ASB15: variants seen among roughly 807,000 people sequenced by gnomAD.
The protein encoded by ASB15 is ankyrin repeat and SOCS box containing 15, also known as ankyrin repeat and SOCS box protein 15.
Under a neutral mutation model 58.0 loss-of-function variants are expected in ASB15, and 54 were observed. The observed-to-expected ratio is 0.93, with a 90% CI of 0.75 to 1.17. The LOEUF (loss-of-function observed/expected upper bound fraction) is 1.17. ASB15 is among the 50% of genes most tolerant of loss of function. The pLI is 0.00. For synonymous variants in ASB15, 249 were observed against 262.4 expected, an observed-to-expected ratio of 0.95 and a Z score of 0.50; for missense variants, 680 against 707.4, an observed-to-expected ratio of 0.96 and a Z score of 0.44.
chr7:123,602,747 G>A (rs1005074270), intron 1 of ASB15, among the ~76,000 whole-genome samples: 1 of 152,104 alleles, frequency 6.6e-6, no homozygotes, highest in Non-Finnish European at 1.5e-5. Flanking sequence ...TAAACTTTTT[G>A]AGAAAACTTT....
intron 8 of ASB15, among the ~76,000 whole-genome samples, chr7:123,625,431 AC>A (rs1801709451): frequency 6.6e-6 from 1 of 152,098 alleles, no homozygotes; most frequent in Admixed American, 6.5e-5. Flanking sequence ...TATCCAAAAA[AC>A]AATCCCTATT....
intron 2 of ASB15, among the ~76,000 whole-genome samples, chr7:123,607,287 T>C (rs1800194327): frequency 6.6e-6 from 1 of 152,210 alleles, no homozygotes; most frequent in South Asian, 2.1e-4. Context: ...ACTTTACATA[T>C]AATGTTAAAT....
intron 6 of ASB15, among the ~76,000 whole-genome samples, chr7:123,617,274 A>G (rs1800880769): frequency 6.6e-6 from 1 of 152,222 alleles, no homozygotes; most frequent in Non-Finnish European, 1.5e-5. Context: ...CAGTTACAAT[A>G]TAAATTATAA....
chr7:123,576,627 C>T (rs1182324834), intron 1 of ASB15, among the ~76,000 whole-genome samples: 2 of 152,142 alleles, frequency 1.3e-5, no homozygotes. Flanking sequence ...TCCTCGGCTT[C>T]TCTGAGCCAA....
upstream of ASB15, chr7:123,599,077 T>C (rs1799791977): frequency 6.6e-6 from 1 of 152,188 alleles, no homozygotes; most frequent in Non-Finnish European, 1.5e-5. Context: ...AAAATGTGCA[T>C]TTCTTAAATC....
chr7:123,633,291 T>C (rs898829096), intron 11 of ASB15, among the ~76,000 whole-genome samples: 17 of 152,020 alleles, frequency 1.1e-4, no homozygotes, highest in African/African-American at 4.1e-4. Flanking sequence ...TGAATATTAG[T>C]ACATAGATAA....
rs543076067 is a variant in ASB15 at position 123,575,484 on chromosome 7, T to C, written c.-443+8396T>C. 3.3e-5 allele frequency among the ~76,000 whole-genome samples: 5 copies of C among 152,248 alleles called. No individual in the cohort carries two copies. The South Asian group carries it at 1.0e-3, about 32-fold the overall frequency. On this transcript the variant is annotated intron_variant, in intron 1 of 13. Transcript: ENST00000451558. ...CAATTAAAGAAAACAACTTTAATTGTATCACTTCTGTATTGTGAGGGCATA... is the reference window on the plus strand; with the variant it reads ...CAATTAAAGAAAACAACTTTAATTGCATCACTTCTGTATTGTGAGGGCATA...
intron 11 of ASB15, among the ~76,000 whole-genome samples, chr7:123,630,831 G>A (rs1802080037): frequency 2.0e-5 from 3 of 152,266 alleles, no homozygotes; most frequent in Admixed American, 6.5e-5. Context: ...AATTTTATAT[G>A]ACATTTAAAT....
rs539365225 is a variant in ASB15, at chr7:123,586,066, T to C, written c.-442-17966T>C. On this transcript the variant is annotated intron_variant, in intron 1 of 13. Transcript: ENST00000451558. ...AAGTGCAAATATGTCTTTGAGATAC[T>C]GATTTCAATTCCTTTAGCTATATAC... Among the ~76,000 whole-genome samples, 15 of 152,036 alleles carry C rather than the reference T, an allele frequency of 9.9e-5. No homozygotes were observed. In the East Asian group the frequency reaches 2.7e-3, roughly 27 times the overall value.
intron 2 of ASB15, 80 bp downstream of exon 2, chr7:123,604,292 T>G (rs1800027783): frequency 6.6e-6 from 1 of 152,080 alleles, no homozygotes; most frequent in South Asian, 2.1e-4. Context: ...AATTGTGAAA[T>G]CTGGCTAGGC....
chr7:123,584,460 T>A (rs1490527165), intron 1 of ASB15, among the ~76,000 whole-genome samples: 1 of 151,944 alleles, frequency 6.6e-6, no homozygotes, highest in African/African-American at 2.4e-5. Flanking sequence ...TAAGAACAAC[T>A]GCTCTATGGA....
At chr7:123,605,237 A>T (rs1314543223) in intron 2 of ASB15, among the ~76,000 whole-genome samples, 1 of 152,196 alleles carries the variant, frequency 6.6e-6, no homozygotes, top group Non-Finnish European at 1.5e-5. Context: ...AATACTTTTT[A>T]AAATGCTCAA....
intron 1 of ASB15, among the ~76,000 whole-genome samples, chr7:123,589,618 G>T (rs1238793001): frequency 1.3e-5 from 2 of 151,970 alleles, no homozygotes; most frequent in Non-Finnish European, 2.9e-5. Flanking sequence ...GTGGTTTCCA[G>T]CTTTATCCAT....
chr7:123,570,846 CA>C (rs1272939578), intron 1 of ASB15, among the ~76,000 whole-genome samples: 1 of 152,126 alleles, frequency 6.6e-6, no homozygotes, highest in Non-Finnish European at 1.5e-5. Context: ...TTTACCTGTC[CA>C]TATGGATTTC....
At chr7:123,610,234 A>C (rs1448025524) in intron 3 of ASB15, among the ~76,000 whole-genome samples, 1 of 152,170 alleles carries the variant, frequency 6.6e-6, no homozygotes, top group South Asian at 2.1e-4. Flanking sequence ...TCCAGACTCT[A>C]CTTATTAGCT....
chr7:123,614,272 A>G (rs564827531), intron 3 of ASB15: 25 of 428,404 alleles, frequency 5.8e-5, no homozygotes, highest in Non-Finnish European at 9.4e-5. Context: ...AGAAAGTGCA[A>G]ATGCTCAAAG....
Position 123,637,281 on chromosome 7 carries a change from A to G in ASB15, c.*300A>G, listed in dbSNP as rs951248720. On this transcript the variant is annotated 3_prime_UTR_variant, in exon 12 of 12. Coordinates refer to ENST00000451215, the MANE Select transcript of ASB15 (RefSeq NM_001290258.2). ...AGTCTCTATGTTTAAAAAACAGATA[A>G]CCACTTTCTCAAACCCACATCTGCC... 2 of 181,596 alleles carry G rather than the reference A, an allele frequency of 1.1e-5. No individual in the cohort carries two copies. The highest frequency in any genetic ancestry group is 4.8e-5 in the African/African-American group (2 of 42,088). The allele number at this position is 181,596 out of a possible 1,614,324, so 11.2% of individuals were successfully genotyped here. A position where few individuals can be genotyped will look rare whatever the true frequency, so the allele number is the denominator to read the frequency against.
intron 1 of ASB15, among the ~76,000 whole-genome samples, chr7:123,570,920 C>A (rs1391789530): frequency 3.9e-5 from 6 of 152,174 alleles, no homozygotes; most frequent in Non-Finnish European, 5.9e-5. Context: ...AACTTACCAG[C>A]TGTACGGCCT....
intron 1 of ASB15, among the ~76,000 whole-genome samples, chr7:123,602,525 CTAA>C (rs1201974872): frequency 6.6e-5 from 10 of 152,140 alleles, no homozygotes; most frequent in African/African-American, 2.4e-4. Flanking sequence ...CTTTCTATAT[CTAA>C]AATGATTTGA....
Sources: gnomAD v4.1 joint callset for allele counts (sites outside exome capture counted in the v4.1 genomes callset) on GRCh38, gnomAD v4.1.1 for gene constraint, MANE v1.5 for transcripts, NCBI Gene and HGNC (gene_info 2026-07-23, HGNC 2026-07-21) for gene names.